The following ZDHHC11 variants were observed in gnomAD, a reference collection of about 807,000 sequenced individuals.
ZDHHC11 encodes zDHHC palmitoyltransferase 11.
ZDHHC11 carries 44 observed loss-of-function variants against 51.3 expected under a neutral mutation model. The ratio of observed to expected loss-of-function variants is 0.86; its 90% CI spans 0.67 to 1.10. The LOEUF is 1.10. ZDHHC11 is among the 50% of genes least tolerant of loss of function. The pLI is 0.00. For synonymous variants in ZDHHC11, 163 were observed against 222.0 expected (o/e 0.73, Z 2.36); for missense variants, 400 against 537.7 (o/e 0.74, Z 2.53).
At chr5:833,216 G>A (rs1373896573) in intron 7 of ZDHHC11, among the ~76,000 whole-genome samples, 1 of 152,284 alleles carries the variant, frequency 6.6e-6, no homozygotes, top group Non-Finnish European at 1.5e-5. Context: ...GACTGAAAAT[G>A]CGCGTGCCCT....
chr5:824,662 C>G (rs1191083881), intron 8 of ZDHHC11, among the ~76,000 whole-genome samples: 4 of 147,236 alleles, frequency 2.7e-5, no homozygotes, highest in Non-Finnish European at 4.4e-5. Context: ...ATAACCACAC[C>G]CCCCCACATA....
At position 796,110 on chromosome 5, in the gene ZDHHC11, CCCCATTTCCCAGTACTGTGCT is replaced by C. The variant is rs1439910167; in HGVS notation, c.*457_*477del. On this transcript the variant is annotated 3_prime_UTR_variant, in exon 13 of 13. Coordinates refer to ENST00000283441, the MANE Select transcript of ZDHHC11 (RefSeq NM_024786.3). ...GCTCCCATTTTGCAGTGCTGTGAGC[CCCCATTTCCCAGTACTGTGCT>C]CCCATTTCCCAGTACTGTGCTCCCA... The C allele has an allele frequency of 1.8e-3, 59 of 32,588 alleles. No homozygotes were observed. Among genetic ancestry groups the C allele is most frequent in the African/African-American group, 6.5e-3 (42 of 6,428 alleles). 2.0% of individuals were successfully genotyped at this position (32,588 alleles called of 1,614,324 possible). A position where few individuals can be genotyped will look rare whatever the true frequency, so the allele number is the denominator to read the frequency against.
At chr5:813,086 C>G (rs1396350555) in intron 11 of ZDHHC11, among the ~76,000 whole-genome samples, 1 of 144,918 alleles carries the variant, frequency 6.9e-6, no homozygotes, top group Non-Finnish European at 1.5e-5. Flanking sequence ...TCTGTAGTCC[C>G]AACACTTTAG....
chr5:837,274 G>A (rs1298527562), intron 6 of ZDHHC11, 91 bp downstream of exon 6: 2 of 1,457,412 alleles, frequency 1.4e-6, no homozygotes, highest in Admixed American at 1.7e-5. Context: ...CGGCCCTGAA[G>A]TAAAGGAGCA....
intron 1 of ZDHHC11, among the ~76,000 whole-genome samples, chr5:848,932 GCCAGCCCTGCACAC>G (rs1488743982): frequency 1.4e-4 from 19 of 139,320 alleles, no homozygotes; most frequent in South Asian, 2.3e-4. Flanking sequence ...GCCCTGCACA[GCCAGCCCTGCACAC>G]CCAGCCCTGC....
chr5:857,079 ACACACTCC>A (rs1748367593), intron 1 of ZDHHC11, among the ~76,000 whole-genome samples: 1 of 152,106 alleles, frequency 6.6e-6, no homozygotes, highest in Admixed American at 6.6e-5. Context: ...CACAATGCAC[ACACACTCC>A]CACACACAAT....
chr5:852,392 G>C (rs1747357860), upstream of ZDHHC11, among the ~76,000 whole-genome samples: 1 of 152,242 alleles, frequency 6.6e-6, no homozygotes, highest in Non-Finnish European at 1.5e-5. Flanking sequence ...ACTTTGAGAA[G>C]ACTGAAGACT....
At position 815,415 on chromosome 5, in the gene ZDHHC11, G is replaced by T. The variant is rs1449427945; in HGVS notation, c.1147-620C>A. ...CTCTTGGTTAAGAACCTGGGAGTGG[G>T]AGTGCTGGCTCATATGATAAGTACA... On this transcript the variant is annotated intron_variant, in intron 10 of 12. Coordinates refer to ENST00000283441, the MANE Select transcript of ZDHHC11 (RefSeq NM_024786.3). 7.9e-5 allele frequency among the ~76,000 whole-genome samples: 12 copies of T among 151,340 alleles called. 1 individual carries two copies. The highest frequency in any genetic ancestry group is 3.0e-5 in the Non-Finnish European group (2 of 67,706).
chr5:810,877 G>A (rs1321581690), intron 11 of ZDHHC11, among the ~76,000 whole-genome samples: 2 of 152,184 alleles, frequency 1.3e-5, no homozygotes, highest in African/African-American at 4.8e-5. Flanking sequence ...TAAAGATGGA[G>A]CGGTTTATGC....
Position 847,053 on chromosome 5 carries a change from C to T in ZDHHC11, c.503+461G>A, listed in dbSNP as rs529691663. 1.5e-4 allele frequency among the ~76,000 whole-genome samples: 21 copies of T among 140,404 alleles called. No individual in the cohort carries two copies. The East Asian group carries it at 3.7e-3, about 25-fold the overall frequency. 92.1% of individuals were successfully genotyped at this position (140,404 alleles called of 152,430 possible). ...CACCGTGCTCAGGGGAAACACCTCTCGTCTATGAGCCTCCACCGTGCTCAG... is the reference window on the plus strand; with the variant it reads ...CACCGTGCTCAGGGGAAACACCTCTTGTCTATGAGCCTCCACCGTGCTCAG... On this transcript the variant is annotated intron_variant, in intron 3 of 12. Transcript: ENST00000283441.
chr5:798,998 G>A (rs1422504296), intron 12 of ZDHHC11, among the ~76,000 whole-genome samples: 1 of 151,818 alleles, frequency 6.6e-6, no homozygotes, highest in Non-Finnish European at 1.5e-5. Context: ...GAGCCATCTT[G>A]TTTCAGTCAC....
At chr5:835,215 T>C (rs1743660897) in intron 6 of ZDHHC11, among the ~76,000 whole-genome samples, 1 of 150,968 alleles carries the variant, frequency 6.6e-6, no homozygotes, top group Non-Finnish European at 1.5e-5. Context: ...GAAGTGATCC[T>C]GGGTAATCTT....
At chr5:799,594 A>C (rs978043425) in intron 12 of ZDHHC11, among the ~76,000 whole-genome samples, 2 of 151,224 alleles carry the variant, frequency 1.3e-5, no homozygotes, top group African/African-American at 4.9e-5. Flanking sequence ...TTGCAAGTTG[A>C]TGCTTCGGCC....
chr5:844,133 C>T (rs1487810154), intron 3 of ZDHHC11, among the ~76,000 whole-genome samples: 2 of 152,062 alleles, frequency 1.3e-5, no homozygotes, highest in African/African-American at 4.8e-5. Context: ...CCGCCCAACG[C>T]TGGCCTCAAA....
At chr5:844,424 G>A (rs1463698983) in intron 3 of ZDHHC11, among the ~76,000 whole-genome samples, 1 of 152,306 alleles carries the variant, frequency 6.6e-6, no homozygotes. Context: ...AGCGGAGCAT[G>A]AGGGTCACAC....
Position 796,079 on chromosome 5 carries a change from T to C in ZDHHC11, c.*509A>G, listed in dbSNP as rs1218630323. 4 of 157,110 alleles carry C rather than the reference T, an allele frequency of 2.5e-5. No individual in the cohort carries two copies. The highest frequency in any genetic ancestry group is 9.7e-5 in the African/African-American group (4 of 41,414). 9.7% of individuals were successfully genotyped at this position (157,110 alleles called of 1,614,324 possible). The stretch of plus-strand genomic sequence containing the variant: ...CCAGTACTGTGCTCCCATTTCCCAA[T>C]ACTGTGCTCCCATTTTGCAGTGCTG... On this transcript the variant is annotated 3_prime_UTR_variant, in exon 13 of 13. Coordinates refer to ENST00000283441, the MANE Select transcript of ZDHHC11 (RefSeq NM_024786.3).
At chr5:802,499 A>AGT (rs60921931) in intron 11 of ZDHHC11, among the ~76,000 whole-genome samples, 28,334 of 150,038 alleles carry the variant, frequency 0.19, 3,204 homozygotes, top group East Asian at 0.37. Flanking sequence ...GTGTTGTAAA[A>AGT]GTGTGTAAGT....
At chr5:825,603 A>G (rs1372498666) in intron 7 of ZDHHC11, among the ~76,000 whole-genome samples, 2 of 152,202 alleles carry the variant, frequency 1.3e-5, no homozygotes, top group African/African-American at 4.8e-5. Flanking sequence ...ACATGGAGAG[A>G]CAGAACAGCA....
chr5:825,618 G>C (rs564651625), intron 7 of ZDHHC11, among the ~76,000 whole-genome samples: 72 of 152,146 alleles, frequency 4.7e-4, no homozygotes, highest in Non-Finnish European at 9.0e-4. Flanking sequence ...ACAGCATGTG[G>C]AGACTCATAC....
Sources: gnomAD v4.1 joint callset for allele counts (sites outside exome capture counted in the v4.1 genomes callset) on GRCh38, gnomAD v4.1.1 for gene constraint, MANE v1.5 for transcripts, NCBI Gene and HGNC (gene_info 2026-07-23, HGNC 2026-07-21) for gene names.